Variants in C6orf89 observed in about 807,000 individuals in gnomAD.
C6orf89 encodes chromosome 6 open reading frame 89.
Under a neutral mutation model 40.7 loss-of-function variants are expected in C6orf89, and 29 were observed. The ratio of observed to expected loss-of-function variants is 0.71; its 90% confidence interval spans 0.53 to 0.97. C6orf89 has a LOEUF of 0.97. C6orf89 is among the 50% of genes least tolerant of loss of function. The pLI is 0.00. For synonymous variants in C6orf89, 165 were observed against 152.2 expected (o/e 1.08, Z -0.62); for missense variants, 392 against 429.1 (o/e 0.91, Z 0.76).
upstream of C6orf89, among the ~76,000 whole-genome samples, chr6:36,882,713 C>CTTTTTTTTTTTTTTTTTTTT (rs1168220528): frequency 8.7e-6 from 1 of 115,446 alleles, no homozygotes; most frequent in African/African-American, 3.0e-5. Context: ...TTGTCATTTT[C>CTTTTTTTTTTTTTTTTTTTT]TTTTTTTTTT....
At chr6:36,891,570 A>G (rs1039140105) in intron 1 of C6orf89, among the ~76,000 whole-genome samples, 10 of 152,216 alleles carry the variant, frequency 6.6e-5, no homozygotes, top group South Asian at 2.1e-4. Flanking sequence ...GAATCACCAC[A>G]CTGTCTTCCA....
At chr6:36,923,264 C>G in intron 8 of C6orf89, 83 bp from the exon 9 acceptor site, 4 of 964,278 alleles carry the variant, frequency 4.1e-6, no homozygotes, top group Non-Finnish European at 6.5e-6. Flanking sequence ...AGGGCCAGCT[C>G]TGGCAGACCT....
At chr6:36,909,770 G>T (rs1762057262) in intron 4 of C6orf89, among the ~76,000 whole-genome samples, 1 of 142,388 alleles carries the variant, frequency 7.0e-6, no homozygotes. Context: ...GTGACAGAAT[G>T]AGAGCCTGTC....
At chr6:36,885,545 G>C (rs896551644), upstream of C6orf89, among the ~76,000 whole-genome samples, 2 of 152,146 alleles carry the variant, frequency 1.3e-5, no homozygotes, top group Non-Finnish European at 2.9e-5. Context: ...GGAGGGATTT[G>C]TTCGTCTTTC....
At position 36,901,368 on chromosome 6, in the gene C6orf89, T is replaced by TTGA. The variant is rs1422054634; in HGVS notation, c.190-853_190-852insTGA. ...TTTTTTTTTTGAGATGCAGTCTCAC[T>TTGA]CTGTTGCCCAGGCTAGAGTGCAGTG... On this transcript the variant is annotated intron_variant, in intron 3 of 8. Coordinates refer to ENST00000480824, the MANE Select transcript of C6orf89 (RefSeq NM_001286635.2). 8.1e-5 allele frequency among the ~76,000 whole-genome samples: 10 copies of TTGA among 123,686 alleles called. 1 individual carries two copies. The East Asian group carries it at 2.7e-3, about 33-fold the overall frequency. 81.1% of individuals were successfully genotyped at this position (123,686 alleles called of 152,430 possible). A position where few individuals can be genotyped will look rare whatever the true frequency, so the allele number is the denominator to read the frequency against.
intron 1 of C6orf89, among the ~76,000 whole-genome samples, chr6:36,889,877 A>G (rs904342750): frequency 2.6e-5 from 4 of 152,262 alleles, no homozygotes; most frequent in African/African-American, 9.6e-5. Flanking sequence ...AAATGATTTT[A>G]TAATGTGTTG....
rs763258481 is a variant in C6orf89 at position 36,899,516 on chromosome 6, C to T, written c.72C>T (p.Thr24=). ...AGACTGTTGATTTGGTGAGACAGAC[C>T]GGCCATCAGTGTGGCATGTCAGAGA... is the stretch of plus-strand genomic sequence containing the variant. The part of the protein sequence containing the change: ...LSETVDLVRQ[T]GHQCGMSEKA... The change falls in exon 3 of 9, where the codon ACC becomes ACT. Residue 24 remains threonine, a synonymous_variant. Coordinates refer to ENST00000480824, the MANE Select transcript of C6orf89 (RefSeq NM_001286635.2). 24 of 1,613,804 alleles carry T rather than the reference C, an allele frequency of 1.5e-5. No homozygotes were observed. Among genetic ancestry groups the T allele is most frequent in the Admixed American group, 3.3e-5 (2 of 59,960 alleles).
At chr6:36,884,387 T>C (rs764230200), upstream of C6orf89, among the ~76,000 whole-genome samples, 1 of 152,208 alleles carries the variant, frequency 6.6e-6, no homozygotes, top group Non-Finnish European at 1.5e-5. The surrounding 1 kb of genome is among the most constrained non-coding windows in gnomAD (Gnocchi z 4.0). Context: ...GTTTGGCTTA[T>C]GGGGACCCTG....
At chr6:36,885,143 C>A (rs1774928081), upstream of C6orf89, among the ~76,000 whole-genome samples, 1 of 152,184 alleles carries the variant, frequency 6.6e-6, no homozygotes, top group African/African-American at 2.4e-5. Context: ...TGTAACATAG[C>A]TTAATAGTCA....
In C6orf89 at chr6:36,924,074, T is replaced by C. The variant is rs1349017154; in HGVS notation, c.*633T>C. On this transcript the variant is annotated 3_prime_UTR_variant, in exon 9 of 9. Coordinates refer to ENST00000480824, the MANE Select transcript of C6orf89 (RefSeq NM_001286635.2). ...GGCTAGAGTCTGATTATATAATAATTCAAAATGGTAACTCCCAAGGTAATG... is the reference window on the plus strand; with the variant it reads ...GGCTAGAGTCTGATTATATAATAATCCAAAATGGTAACTCCCAAGGTAATG... The C allele has an allele frequency of 1.3e-5, 2 of 157,948 alleles. No individual in the cohort carries two copies. Among genetic ancestry groups the C allele is most frequent in the Non-Finnish European group, 2.8e-5 (2 of 71,060 alleles). 9.8% of individuals were successfully genotyped at this position (157,948 alleles called of 1,614,324 possible). A position where few individuals can be genotyped will look rare whatever the true frequency, so the allele number is the denominator to read the frequency against.
chr6:36,882,741 T>C (rs1378223413), upstream of C6orf89, among the ~76,000 whole-genome samples: 1 of 120,360 alleles, frequency 8.3e-6, no homozygotes, highest in Non-Finnish European at 1.8e-5. Flanking sequence ...TTTCTTTTTT[T>C]TTTTTTTGAG....
intron 8 of C6orf89, among the ~76,000 whole-genome samples, chr6:36,921,736 C>T (rs10947648): frequency 0.083 from 12,621 of 152,058 alleles, 698 homozygotes; most frequent in Admixed American, 0.13. Context: ...TACAAGACAG[C>T]ATTGTTAGGG....
intron 4 of C6orf89, among the ~76,000 whole-genome samples, chr6:36,911,932 C>A (rs867219078): frequency 0.024 from 1,855 of 76,514 alleles, 81 homozygotes; most frequent in African/African-American, 0.087. Context: ...CACAGTGAAC[C>A]CCCCCCCCCC....
Position 36,926,459 on chromosome 6 carries a change from G to T in C6orf89, c.*3018G>T, listed in dbSNP as rs1484272116. 1 of 151,944 alleles carries T rather than the reference G, an allele frequency of 6.6e-6. No homozygotes were observed. Among genetic ancestry groups the T allele is most frequent in the East Asian group, 1.9e-4 (1 of 5,196 alleles). 9.4% of individuals were successfully genotyped at this position (151,944 alleles called of 1,614,324 possible). ...GAGGCAGGAAAATTGCTTGAACCGG[G>T]GAGGCGGAGATTGCAGTGAGCCAAG... is the stretch of plus-strand genomic sequence containing the variant. On this transcript the variant is annotated 3_prime_UTR_variant, in exon 9 of 9. Transcript: ENST00000480824.
At chr6:36,893,250 T>A (rs1372418002) in intron 1 of C6orf89, among the ~76,000 whole-genome samples, 7 of 151,930 alleles carry the variant, frequency 4.6e-5, no homozygotes, top group South Asian at 2.1e-4. Context: ...TTTTTTTTTT[T>A]AAGGGATGAG....
intron 1 of C6orf89, chr6:36,874,898 A>C: frequency 9.4e-7 from 1 of 1,062,858 alleles, no homozygotes; most frequent in South Asian, 1.4e-5. Context: ...TGGGTGGCCA[A>C]GACAAGGAAG....
upstream of C6orf89, among the ~76,000 whole-genome samples, chr6:36,885,285 C>T (rs896609715): frequency 1.3e-5 from 2 of 152,164 alleles, no homozygotes; most frequent in East Asian, 1.9e-4. Context: ...AGGCAAACAC[C>T]GAGCTGTAAC....
At chr6:36,903,900 G>A (rs1161809496) in intron 4 of C6orf89, among the ~76,000 whole-genome samples, 1 of 151,518 alleles carries the variant, frequency 6.6e-6, no homozygotes, top group Non-Finnish European at 1.5e-5. Context: ...GAAAATTTCA[G>A]ATGTAACTTC....
At chr6:36,899,927 G>A (rs1761602145) in intron 3 of C6orf89, among the ~76,000 whole-genome samples, 1 of 152,192 alleles carries the variant, frequency 6.6e-6, no homozygotes, top group Non-Finnish European at 1.5e-5. Flanking sequence ...CACTCTTGTT[G>A]CCTAGGCTGG....
Sources: gnomAD v4.1 joint callset for allele counts (sites outside exome capture counted in the v4.1 genomes callset) on GRCh38, gnomAD v4.1.1 for gene constraint, Gnocchi (gnomAD v3.1) non-coding constraint, MANE v1.5 for transcripts, NCBI Gene and HGNC (gene_info 2026-07-23, HGNC 2026-07-21) for gene names.